COPB1: variants seen among roughly 807,000 people sequenced by gnomAD.
The protein encoded by COPB1 is coat protein complex I subunit beta 1.
A neutral mutation model predicts 108.7 loss-of-function variants in COPB1; 21 were observed. The observed-to-expected ratio is 0.19, with a 90% CI of 0.14 to 0.28. The LOEUF (loss-of-function observed/expected upper bound fraction) is 0.28. Among genes scored for constraint, COPB1 ranks in the 10% least tolerant of loss-of-function variants. The pLI is 1.00. For synonymous variants in COPB1, 378 were observed against 386.8 expected (o/e 0.98, Z 0.27); for missense variants, 919 against 1,141.3 (o/e 0.81, Z 2.81).
chr11:14,461,835 C>T (rs1431321585), intron 18 of COPB1, among the ~76,000 whole-genome samples: 3 of 152,172 alleles, frequency 2.0e-5, no homozygotes, highest in Non-Finnish European at 2.9e-5. Context: ...TGGGGAATTG[C>T]TTCCAGGACC....
chr11:14,488,440 CCT>C, intron 6 of COPB1, 50 bp downstream of exon 6: 3 of 1,089,990 alleles, frequency 2.8e-6, no homozygotes, highest in South Asian at 3.2e-5. Flanking sequence ...AGTATTTAAC[CCT>C]GTCTTAAACT....
chr11:14,484,615 G>A (rs1187147342), intron 7 of COPB1, among the ~76,000 whole-genome samples: 5 of 152,176 alleles, frequency 3.3e-5, no homozygotes. Flanking sequence ...CTACTCAGGA[G>A]GCTGAGGCAG....
At chr11:14,497,595 A>G (rs1851050559) in intron 2 of COPB1, among the ~76,000 whole-genome samples, 1 of 152,228 alleles carries the variant, frequency 6.6e-6, no homozygotes, top group Non-Finnish European at 1.5e-5. Flanking sequence ...GTTGGTGGGA[A>G]TGTAAACTAG....
intron 4 of COPB1, among the ~76,000 whole-genome samples, chr11:14,492,563 G>A (rs961964721): frequency 1.4e-4 from 21 of 151,430 alleles, no homozygotes; most frequent in African/African-American, 4.9e-4. Context: ...GGCTGGTCTC[G>A]AACTCCCGAC....
chr11:14,482,864 T>C (rs969633451), intron 8 of COPB1, among the ~76,000 whole-genome samples, 168 bp downstream of exon 8: 1 of 152,182 alleles, frequency 6.6e-6, no homozygotes, highest in Non-Finnish European at 1.5e-5. Context: ...GTGGTAAAGA[T>C]AATACCCCAA....
At position 14,479,557 on chromosome 11, in the gene COPB1, T is replaced by G; in HGVS notation, c.1358+12A>C. 1 of 1,593,464 alleles carries G rather than the reference T, an allele frequency of 6.3e-7. No individual in the cohort carries two copies. Among genetic ancestry groups the G allele is most frequent in the Non-Finnish European group, 8.5e-7 (1 of 1,172,272 alleles). Reference sequence around the variant, plus strand: ...TTACTTGACCTTACATTTAAATGTATTTTAAACCTACTTGACAGATTTAAT... The same window carrying G: ...TTACTTGACCTTACATTTAAATGTAGTTTAAACCTACTTGACAGATTTAAT... On this transcript the variant is annotated intron_variant, in intron 11 of 21. Coordinates refer to ENST00000439561, the MANE Select transcript of COPB1 (RefSeq NM_001144061.2).
chr11:14,484,704 T>G (rs535892271), intron 7 of COPB1, among the ~76,000 whole-genome samples: 7 of 152,070 alleles, frequency 4.6e-5, no homozygotes, highest in African/African-American at 1.7e-4. Context: ...AGCGACGGAG[T>G]GAGACTCCGT....
intron 13 of COPB1, 64 bp from the exon 14 acceptor site, chr11:14,474,679 A>G (rs1356754761): frequency 6.3e-7 from 1 of 1,595,644 alleles, no homozygotes; most frequent in Admixed American, 1.7e-5. Context: ...CTTCTGTATA[A>G]ATGAATGATA....
chr11:14,482,939 G>GCTC (rs1850693492), intron 8 of COPB1, 93 bp downstream of exon 8: 1 of 1,183,202 alleles, frequency 8.5e-7, no homozygotes, highest in African/African-American at 1.5e-5. Context: ...CAGTTTCCAA[G>GCTC]CATTTAGGTT....
At chr11:14,492,635 G>A (rs1311859270) in intron 4 of COPB1, among the ~76,000 whole-genome samples, 5 of 151,890 alleles carry the variant, frequency 3.3e-5, no homozygotes, top group South Asian at 2.1e-4. Context: ...GAGCCACCAC[G>A]CCTGGCTCAT....
At position 14,476,909 on chromosome 11, in the gene COPB1, T is replaced by C. The variant is rs371606973; in HGVS notation, c.1455+10A>G. ...CCATATAAACTAACATTTACTAAAG[T>C]AAAACATACCTCTCCAAGGGACCTG... On this transcript the variant is annotated intron_variant, in intron 12 of 21. Transcript: ENST00000439561. 5 of 1,564,936 alleles carry C rather than the reference T, an allele frequency of 3.2e-6. No individual in the cohort carries two copies. The African/African-American group carries it at 6.8e-5, about 21-fold the overall frequency.
rs1459738397 is a variant in COPB1, at chr11:14,499,018, A to T, written c.-57-33T>A. 118 of 1,012,388 alleles carry T rather than the reference A, an allele frequency of 1.2e-4. No individual in the cohort carries two copies. The Middle Eastern group carries it at 1.2e-3, about 11-fold the overall frequency. 62.7% of individuals were successfully genotyped at this position (1,012,388 alleles called of 1,614,324 possible). A position where few individuals can be genotyped will look rare whatever the true frequency, so the allele number is the denominator to read the frequency against. On this transcript the variant is annotated intron_variant, in intron 1 of 21. Coordinates refer to ENST00000439561, the MANE Select transcript of COPB1 (RefSeq NM_001144061.2). ...AATAAACACAGACATATCATTACAAATTAAAAAAAAAAAACCCACAAACAA... is the reference window on the plus strand; with the variant it reads ...AATAAACACAGACATATCATTACAATTTAAAAAAAAAAAACCCACAAACAA...
chr11:14,458,740 C>CA (rs1850080555), intron 20 of COPB1, 53 bp from the exon 21 acceptor site: 1 of 1,456,836 alleles, frequency 6.9e-7, no homozygotes, highest in African/African-American at 1.5e-5. Context: ...TACATAGAGG[C>CA]AAAAACCAAA....
At position 14,475,799 on chromosome 11, in the gene COPB1, C is replaced by T. The variant is rs1347482591; in HGVS notation, c.1602G>A (p.Lys534=). ...QSALSSSRPT[K]KEEDRPPLRG... Reference sequence around the variant, plus strand: ...CCATAAATTACCTGTCTTCCTCTTTCTTGGTGGGTCTAGAACTGCTAAGGG... The same window carrying T: ...CCATAAATTACCTGTCTTCCTCTTTTTTGGTGGGTCTAGAACTGCTAAGGG... Residue 534 remains lysine (K), a synonymous_variant, in exon 13 of 22, where the codon AAG becomes AAA. Transcript: ENST00000439561. 6.3e-7 allele frequency: 1 copy of T among 1,575,146 alleles called. No homozygotes were observed. Among genetic ancestry groups the T allele is most frequent in the East Asian group, 2.3e-5 (1 of 43,816 alleles).
intron 2 of COPB1, among the ~76,000 whole-genome samples, chr11:14,497,352 A>AC (rs1051385325): frequency 2.0e-5 from 3 of 151,760 alleles, no homozygotes; most frequent in Admixed American, 6.6e-5. Flanking sequence ...GGAAAAAAAA[A>AC]AACTCATAAT....
At chr11:14,488,440 C>T in intron 6 of COPB1, 52 bp downstream of exon 6, 1 of 1,089,990 alleles carries the variant, frequency 9.2e-7, no homozygotes. Context: ...AGTATTTAAC[C>T]CTGTCTTAAA....
At chr11:14,474,880 G>A (rs1273336141) in intron 13 of COPB1, among the ~76,000 whole-genome samples, 1 of 152,056 alleles carries the variant, frequency 6.6e-6, no homozygotes, top group Non-Finnish European at 1.5e-5. Context: ...CGGATTACCT[G>A]AGGTCAGGAG....
At chr11:14,491,269 T>C (rs1850895986) in intron 4 of COPB1, among the ~76,000 whole-genome samples, 1 of 152,270 alleles carries the variant, frequency 6.6e-6, no homozygotes, top group Non-Finnish European at 1.5e-5. Context: ...GCTTGTCTCA[T>C]ATTCCTGACC....
At chr11:14,488,850 T>C (rs1850832959) in intron 5 of COPB1, among the ~76,000 whole-genome samples, 1 of 152,196 alleles carries the variant, frequency 6.6e-6, no homozygotes, top group African/African-American at 2.4e-5. Flanking sequence ...CTATGTGTTA[T>C]GGGATTCAGG....
Sources: allele counts gnomAD v4.1 joint callset (sites outside exome capture counted in the v4.1 genomes callset), GRCh38; gene constraint gnomAD v4.1.1; transcripts MANE v1.5; gene names NCBI Gene and HGNC (gene_info 2026-07-23, HGNC 2026-07-21).